BBX: variants seen among roughly 807,000 people sequenced by gnomAD.
BBX encodes BBX high mobility group box domain containing.
Under a neutral mutation model 100.2 loss-of-function variants are expected in BBX, and 30 were observed. That is an observed-to-expected ratio of 0.30 (90% confidence interval 0.22 to 0.41). BBX has a LOEUF of 0.41. Among genes scored for constraint, BBX ranks in the 10% least tolerant of loss-of-function variants. The pLI is 1.00. For missense variants in BBX, 1,023 were observed against 1,129.8 expected (o/e 0.91, Z 1.35); for synonymous variants, 376 against 388.1 (o/e 0.97, Z 0.37).
intron 9 of BBX, among the ~76,000 whole-genome samples, chr3:107,748,852 C>T (rs2064833975): frequency 6.6e-6 from 1 of 152,082 alleles, no homozygotes; most frequent in East Asian, 1.9e-4. Context: ...CAGGACTGTG[C>T]TGTTTAATAT....
At chr3:107,743,729 C>T (rs1260245228) in intron 7 of BBX, among the ~76,000 whole-genome samples, 1 of 152,100 alleles carries the variant, frequency 6.6e-6, no homozygotes, top group Non-Finnish European at 1.5e-5. Context: ...ATTAAAATTA[C>T]ACTAGAGAAG....
At chr3:107,717,194 T>C (rs2062169743) in intron 5 of BBX, among the ~76,000 whole-genome samples, 1 of 152,212 alleles carries the variant, frequency 6.6e-6, no homozygotes, top group Admixed American at 6.6e-5. Flanking sequence ...TGGTAATTTA[T>C]TGTGAATGGT....
chr3:107,785,175 G>A (rs1432385384), intron 13 of BBX, among the ~76,000 whole-genome samples: 1 of 148,838 alleles, frequency 6.7e-6, no homozygotes, highest in Non-Finnish European at 1.5e-5. Context: ...TAAAGTATCT[G>A]GGGGAAAAAA....
chr3:107,659,668 G>T (rs759449031), intron 3 of BBX: 29 of 1,172,240 alleles, frequency 2.5e-5, no homozygotes, highest in Non-Finnish European at 2.9e-5. Flanking sequence ...CTGGCTGCAG[G>T]GTTTGTTCTC....
chr3:107,631,669 C>T (rs182145105), intron 2 of BBX, among the ~76,000 whole-genome samples: 24 of 152,090 alleles, frequency 1.6e-4, no homozygotes, highest in African/African-American at 5.8e-4. Context: ...CCAGTGCATG[C>T]ATTCTTTTTG....
At chr3:107,725,563 T>C (rs1217900085) in intron 5 of BBX, among the ~76,000 whole-genome samples, 2 of 152,056 alleles carry the variant, frequency 1.3e-5, no homozygotes, top group African/African-American at 4.8e-5. Context: ...TTTAAAAGAT[T>C]GACAGAATAT....
At chr3:107,701,866 A>T (rs1278166415) in intron 3 of BBX, among the ~76,000 whole-genome samples, 2 of 152,078 alleles carry the variant, frequency 1.3e-5, no homozygotes, top group African/African-American at 4.8e-5. Context: ...ATTGTAAGTT[A>T]AGAGAGTTAA....
At chr3:107,795,132 C>T (rs138525405) in intron 15 of BBX, among the ~76,000 whole-genome samples, 9 of 152,278 alleles carry the variant, frequency 5.9e-5, no homozygotes, top group East Asian at 3.9e-4. Flanking sequence ...CATTAGGTTG[C>T]GGGTTGTCGG....
chr3:107,749,456 C>A (rs1435907462), intron 9 of BBX, among the ~76,000 whole-genome samples: 1 of 152,014 alleles, frequency 6.6e-6, no homozygotes, highest in South Asian at 2.1e-4. Flanking sequence ...TGATTAAATT[C>A]TATACTGCAT....
chr3:107,591,636 C>A (rs759483135), intron 2 of BBX, among the ~76,000 whole-genome samples: 1 of 152,136 alleles, frequency 6.6e-6, no homozygotes. Flanking sequence ...CACAGGCATG[C>A]GCCAGTACGC....
At chr3:107,802,788 A>G (rs2070648992) in intron 17 of BBX, among the ~76,000 whole-genome samples, 1 of 152,010 alleles carries the variant, frequency 6.6e-6, no homozygotes, top group South Asian at 2.1e-4. Context: ...CACACTCCCT[A>G]CCCTGCAGTT....
chr3:107,786,797 T>C (rs1041540181), intron 13 of BBX, among the ~76,000 whole-genome samples: 3 of 152,100 alleles, frequency 2.0e-5, no homozygotes, highest in African/African-American at 7.2e-5. Flanking sequence ...AATTGGACCA[T>C]ATCAAAATTT....
At chr3:107,580,346 T>G (rs1359405927) in intron 2 of BBX, among the ~76,000 whole-genome samples, 2 of 151,926 alleles carry the variant, frequency 1.3e-5, no homozygotes, top group East Asian at 3.8e-4. Flanking sequence ...AATCCACAGG[T>G]TTTTTTTGTT....
At chr3:107,625,599 C>T (rs1179608375) in intron 2 of BBX, among the ~76,000 whole-genome samples, 1 of 152,134 alleles carries the variant, frequency 6.6e-6, no homozygotes, top group Non-Finnish European at 1.5e-5. Flanking sequence ...ATTCTAGATT[C>T]ATCCATTGAG....
intron 13 of BBX, among the ~76,000 whole-genome samples, chr3:107,786,983 A>AGATAC (rs1196377923): frequency 6.6e-6 from 1 of 152,216 alleles, no homozygotes; most frequent in Admixed American, 6.5e-5. Flanking sequence ...TGATCTGAAT[A>AGATAC]GATACTTCTC....
At chr3:107,533,545 C>T (rs1483982442) in intron 2 of BBX, among the ~76,000 whole-genome samples, 2 of 152,114 alleles carry the variant, frequency 1.3e-5, no homozygotes, top group Non-Finnish European at 2.9e-5. Flanking sequence ...CTAAGTTGAG[C>T]CAAGTTAAAG....
chr3:107,804,217 T>C (rs544444604), intron 17 of BBX, among the ~76,000 whole-genome samples: 5 of 152,202 alleles, frequency 3.3e-5, no homozygotes, highest in Non-Finnish European at 7.3e-5. Flanking sequence ...TTTGTCTACA[T>C]TATTTTTCTT....
chr3:107,783,556 T>A (rs1485706069), intron 13 of BBX, among the ~76,000 whole-genome samples: 1 of 152,068 alleles, frequency 6.6e-6, no homozygotes, highest in African/African-American at 2.4e-5. Context: ...ATTCTTCCTA[T>A]GAGCCAATAC....
chr3:107,764,255 G>C (rs987676559), intron 10 of BBX, among the ~76,000 whole-genome samples: 18 of 152,144 alleles, frequency 1.2e-4, no homozygotes, highest in African/African-American at 4.3e-4. Context: ...GCCTCCCAAA[G>C]TGCGGGGATT....
Sources: allele counts gnomAD v4.1 joint callset (sites outside exome capture counted in the v4.1 genomes callset), GRCh38; gene constraint gnomAD v4.1.1; transcripts MANE v1.5; gene names NCBI Gene and HGNC (gene_info 2026-07-23, HGNC 2026-07-21).